Variants in SHB observed in about 807,000 individuals in gnomAD.
The protein encoded by SHB is SH2 domain containing adaptor protein B, also known as SH2 domain-containing adapter protein B.
SHB carries 20 observed loss-of-function variants against 52.3 expected under a neutral mutation model. The observed-to-expected ratio is 0.38, with a 90% CI of 0.27 to 0.56. The LOEUF is 0.56. Ranked by LOEUF, SHB falls within the 20% of genes least tolerant of loss-of-function variation. The probability of loss-of-function intolerance (pLI) is 0.71; values close to 1 mark genes in which losing one functional copy is unlikely to be tolerated. For missense variants in SHB, 825 were observed against 723.3 expected, an observed-to-expected ratio of 1.14 and a Z score of -1.61; for synonymous variants, 397 against 316.5, an observed-to-expected ratio of 1.25 and a Z score of -2.70.
intron 3 of SHB, among the ~76,000 whole-genome samples, chr9:37,960,314 A>G (rs1832680065): frequency 6.6e-6 from 1 of 152,240 alleles, no homozygotes; most frequent in Non-Finnish European, 1.5e-5. Flanking sequence ...CAATTCTTTT[A>G]ATTTAGTGAT....
Position 37,944,783 on chromosome 9 carries a change from A to G in SHB, c.1346+3852T>C, listed in dbSNP as rs373771459. On this transcript the variant is annotated intron_variant, in intron 5 of 5. Coordinates refer to ENST00000377707, the MANE Select transcript of SHB (RefSeq NM_003028.3). ...TCCCCTCTACCTGAGCTGCCCTGCT[A>G]GCCGTCCCTGTCTGGGGAACACCTG... is the stretch of plus-strand genomic sequence containing the variant. Among the ~76,000 whole-genome samples, 11 of 151,804 alleles carry G rather than the reference A, an allele frequency of 7.2e-5. No homozygotes were observed. In the East Asian group the frequency reaches 2.0e-3, roughly 27 times the overall value.
At chr9:37,945,216 C>G (rs985039144) in intron 5 of SHB, among the ~76,000 whole-genome samples, 1 of 152,236 alleles carries the variant, frequency 6.6e-6, no homozygotes, top group African/African-American at 2.4e-5. Context: ...AAGCTCCTGA[C>G]AGTGTCAAGA....
intron 1 of SHB, among the ~76,000 whole-genome samples, chr9:38,027,940 G>A (rs1279305570): frequency 2.0e-5 from 3 of 146,950 alleles, no homozygotes; most frequent in African/African-American, 7.5e-5. Flanking sequence ...CTCTTCTGGT[G>A]CGTTTACCCA....
rs553346822 is a variant in SHB at position 37,916,423 on chromosome 9, T to A, written c.*3398A>T. Among the ~76,000 whole-genome samples, 2 of 152,336 alleles carry A rather than the reference T, an allele frequency of 1.3e-5. No homozygotes were observed. The highest frequency in any genetic ancestry group is 4.8e-5 in the African/African-American group (2 of 41,592). ...CCTTGGTCAATGATATCACCACTTC[T>A]GAGACAGCGTCTGGGGAGCTACCGG... On this transcript the variant is annotated 3_prime_UTR_variant, in exon 6 of 6. Coordinates refer to ENST00000377707, the MANE Select transcript of SHB (RefSeq NM_003028.3).
intron 4 of SHB, among the ~76,000 whole-genome samples, chr9:37,951,997 C>A (rs551208668): frequency 1.3e-5 from 2 of 152,132 alleles, no homozygotes; most frequent in Non-Finnish European, 2.9e-5. Flanking sequence ...GGCTGGACCT[C>A]GTGGGGTTGG....
intron 2 of SHB, among the ~76,000 whole-genome samples, chr9:37,981,740 T>C (rs1820727268): frequency 6.6e-6 from 1 of 152,226 alleles, no homozygotes; most frequent in Admixed American, 6.5e-5. Flanking sequence ...GTAGAGGCCA[T>C]TGTTGAATTA....
chr9:38,061,808 C>T (rs1821896698), intron 1 of SHB, among the ~76,000 whole-genome samples: 1 of 152,200 alleles, frequency 6.6e-6, no homozygotes, highest in African/African-American at 2.4e-5. Context: ...AAACAGAGCA[C>T]ACACAGCCCG....
intron 2 of SHB, among the ~76,000 whole-genome samples, chr9:37,998,705 G>A (rs962146495): frequency 1.3e-5 from 2 of 152,164 alleles, no homozygotes; most frequent in Non-Finnish European, 2.9e-5. Context: ...CACCCTCCTC[G>A]GCCTCCCAAA....
chr9:38,046,474 C>T (rs1375191625), intron 1 of SHB, among the ~76,000 whole-genome samples: 27 of 152,224 alleles, frequency 1.8e-4, no homozygotes. Flanking sequence ...CTCGAAGCCC[C>T]CCCGGGTCCT....
At chr9:37,993,749 G>A (rs1352158877) in intron 2 of SHB, among the ~76,000 whole-genome samples, 2 of 152,108 alleles carry the variant, frequency 1.3e-5, no homozygotes, top group Non-Finnish European at 2.9e-5. Flanking sequence ...GAGAAATACG[G>A]AATTTTTGAT....
chr9:38,037,210 A>C (rs1239497512), intron 1 of SHB, among the ~76,000 whole-genome samples: 1 of 152,210 alleles, frequency 6.6e-6, no homozygotes. Flanking sequence ...GAACTGGAGA[A>C]AGAGATGGCA....
chr9:37,929,708 C>T (rs561842122), intron 5 of SHB, among the ~76,000 whole-genome samples: 3 of 152,228 alleles, frequency 2.0e-5, no homozygotes, highest in Non-Finnish European at 4.4e-5. Context: ...CCGGATGACA[C>T]GGGGCAAGGC....
intron 2 of SHB, among the ~76,000 whole-genome samples, chr9:37,978,310 T>C (rs1278715099): frequency 6.6e-6 from 1 of 152,244 alleles, no homozygotes; most frequent in Non-Finnish European, 1.5e-5. Context: ...AAAGCTGGAC[T>C]AGTAATGGCA....
intron 2 of SHB, among the ~76,000 whole-genome samples, chr9:38,011,392 G>T (rs115850464): frequency 5.9e-5 from 9 of 152,190 alleles, no homozygotes; most frequent in African/African-American, 2.2e-4. Flanking sequence ...CTTGAGAGAC[G>T]AGTCAAGGAA....
intron 2 of SHB, among the ~76,000 whole-genome samples, chr9:38,001,520 C>G (rs943410100): frequency 2.0e-5 from 3 of 152,262 alleles, no homozygotes; most frequent in African/African-American, 7.2e-5. Flanking sequence ...CAGTTCTGTC[C>G]TTCAGACAAG....
intron 5 of SHB, among the ~76,000 whole-genome samples, chr9:37,932,845 G>T (rs988556655): frequency 6.6e-6 from 1 of 152,184 alleles, no homozygotes; most frequent in Admixed American, 6.5e-5. Flanking sequence ...GAACTCCCAG[G>T]CTCAAGCAAT....
chr9:37,993,735 C>T (rs1820912238), intron 2 of SHB, among the ~76,000 whole-genome samples: 2 of 151,988 alleles, frequency 1.3e-5, no homozygotes, highest in Non-Finnish European at 2.9e-5. Context: ...TGGACTTCAC[C>T]GTTGAGAAAT....
At chr9:38,037,403 C>T (rs375375359) in intron 1 of SHB, among the ~76,000 whole-genome samples, 2 of 152,208 alleles carry the variant, frequency 1.3e-5, no homozygotes, top group African/African-American at 2.4e-5. Context: ...CCCCAACTTC[C>T]CCAGGGGGTC....
rs2118214267 is a variant in SHB, at chr9:38,068,503, G to A, written c.143C>T (p.Ser48Phe). 6.7e-7 allele frequency: 1 copy of A among 1,489,076 alleles called. No individual in the cohort carries two copies. Among genetic ancestry groups the A allele is most frequent in the East Asian group, 2.8e-5 (1 of 35,628 alleles). 92.2% of individuals were successfully genotyped at this position (1,489,076 alleles called of 1,614,324 possible). ...ACCGCAGGACGCCGAGGCGGCGGAG[G>A]AGGCCTGCGGCACGGCCTGGGGGGG... ...SQPPQAVPQA[S>F]SAASASCGPA... Residue 48 changes from serine to phenylalanine, a missense_variant, in exon 1 of 6, where the codon TCC becomes TTC. Ser to Phe is a radical substitution (Grantham distance 155, BLOSUM62 -2). Transcript: ENST00000377707.
Sources: allele counts gnomAD v4.1 joint callset (sites outside exome capture counted in the v4.1 genomes callset), GRCh38; gene constraint gnomAD v4.1.1; transcripts MANE v1.5; gene names NCBI Gene and HGNC (gene_info 2026-07-23, HGNC 2026-07-21).